Variants in LRP3 observed in about 807,000 individuals in gnomAD.
LRP3 encodes low-density lipoprotein receptor-related protein 3.
A neutral mutation model predicts 58.5 loss-of-function variants in LRP3; 49 were observed. That is an observed-to-expected ratio of 0.84 (90% confidence interval 0.67 to 1.06). The LOEUF (loss-of-function observed/expected upper bound fraction) is 1.06. Ranked by LOEUF, LRP3 falls within the 50% of genes least tolerant of loss-of-function variation. The pLI, the probability that LRP3 is intolerant of heterozygous loss-of-function variation, is 0.00. For synonymous variants in LRP3, 485 were observed against 492.2 expected (o/e 0.99, Z 0.20); for missense variants, 1,019 against 1,134.2 (o/e 0.90, Z 1.46).
chr19:33,195,545 T>C (rs1974277190), intron 1 of LRP3, among the ~76,000 whole-genome samples: 1 of 152,050 alleles, frequency 6.6e-6, no homozygotes, highest in Non-Finnish European at 1.5e-5. Context: ...TTATTTACTG[T>C]GATGAAGGAG....
intron 3 of LRP3, chr19:33,204,303 G>C: frequency 3.0e-6 from 1 of 331,440 alleles, no homozygotes. Context: ...TCGGGGCAGG[G>C]GGCTCTTGAC....
rs995541793 is a variant in LRP3, at chr19:33,205,633, C to T, written c.863C>T (p.Thr288Ile). 1 of 1,611,192 alleles carries T rather than the reference C, an allele frequency of 6.2e-7. No individual in the cohort carries two copies. The highest frequency in any genetic ancestry group is 1.3e-5 in the African/African-American group (1 of 74,900). Reference protein sequence around the residue: ...SDLHCTWLVDTQDSRRVLLQL... With the variant: ...SDLHCTWLVDIQDSRRVLLQL... ...CTTCACTGCACGTGGCTGGTGGACA[C>T]ACAGGACTCCCGGCGGGTGCTGCTG... Residue 288 changes from threonine (T) to isoleucine (I), a missense_variant, in exon 5 of 7, where the codon ACA (threonine) becomes ATA (isoleucine). By Grantham distance (89) the Thr-to-Ile change is moderately conservative. Coordinates refer to ENST00000253193, the MANE Select transcript of LRP3 (RefSeq NM_002333.4).
In LRP3 at chr19:33,205,874, C is replaced by A; in HGVS notation, c.1104C>A (p.Cys368Ter). The A allele has an allele frequency of 6.2e-7, 1 of 1,605,988 alleles. No homozygotes were observed. Among genetic ancestry groups the A allele is most frequent in the Non-Finnish European group, 8.5e-7 (1 of 1,176,520 alleles). The change falls in exon 5 of 7, where the codon TGC (cysteine) becomes TGA (stop). Residue 368 changes from cysteine to a stop codon, truncating the protein, a stop_gained. Coordinates refer to ENST00000253193, the MANE Select transcript of LRP3 (RefSeq NM_002333.4). LOFTEE classifies it high-confidence loss of function. Reference protein sequence around the residue: ...FNATYQVKGYCLPWEQPCGSS... With the variant: ...FNATYQVKGY ...CCACCTACCAGGTGAAGGGCTATTG[C>A]CTCCCCTGGGAGCAGCCGTGCGGGA...
chr19:33,196,193 C>T (rs1399537833), intron 1 of LRP3, among the ~76,000 whole-genome samples: 2 of 152,120 alleles, frequency 1.3e-5, no homozygotes, highest in African/African-American at 4.8e-5. Context: ...ATCAGAACTG[C>T]CTCCCCTCCT....
chr19:33,194,893 C>T (rs1382291597), intron 1 of LRP3, 35 bp downstream of exon 1: 1 of 1,069,812 alleles, frequency 9.3e-7, no homozygotes, highest in Non-Finnish European at 1.1e-6. Context: ...AGGTCCGGGT[C>T]CCCCGCATGG....
Position 33,207,756 on chromosome 19 carries a change from G to GA in LRP3, c.*181_*182insA, listed in dbSNP as rs1383027392. ...GGGAGCTGTGGGACTGAACGGCGGGGGGGAGAAGAGTGGAGTGGTGAGCCC... is the reference window on the plus strand; with the variant it reads ...GGGAGCTGTGGGACTGAACGGCGGGGAGGGAGAAGAGTGGAGTGGTGAGCCC... On this transcript the variant is annotated 3_prime_UTR_variant, in exon 7 of 7. Coordinates refer to ENST00000253193, the MANE Select transcript of LRP3 (RefSeq NM_002333.4). 6.7e-6 allele frequency: 4 copies of GA among 598,812 alleles called. No individual in the cohort carries two copies. The highest frequency in any genetic ancestry group is 1.9e-5 in the African/African-American group (1 of 53,556). The allele number at this position is 598,812 out of a possible 1,614,324, so 37.1% of individuals were successfully genotyped here. A position where few individuals can be genotyped will look rare whatever the true frequency, so the allele number is the denominator to read the frequency against.
intron 2 of LRP3, among the ~76,000 whole-genome samples, chr19:33,199,531 C>G (rs1216058827): frequency 1.3e-5 from 2 of 152,110 alleles, no homozygotes; most frequent in South Asian, 2.1e-4. Flanking sequence ...TGCACAGAGC[C>G]CAGCCTCCCT....
chr19:33,197,587 A>G (rs1568380435), intron 2 of LRP3, among the ~76,000 whole-genome samples: 1 of 152,220 alleles, frequency 6.6e-6, no homozygotes, highest in African/African-American at 2.4e-5. Flanking sequence ...TGACGGCTCC[A>G]CCGTGCTCCA....
At chr19:33,206,439 C>T in intron 5 of LRP3, 77 bp downstream of exon 5, 5 of 1,594,998 alleles carry the variant, frequency 3.1e-6, no homozygotes, top group Non-Finnish European at 4.2e-6. Context: ...TGTGGGTTTG[C>T]AAACGGGGGC....
intron 4 of LRP3, 82 bp downstream of exon 4, chr19:33,204,934 C>T (rs1009310306): frequency 1.2e-5 from 16 of 1,321,614 alleles, no homozygotes; most frequent in South Asian, 1.1e-4. Flanking sequence ...GGGGCGGCAC[C>T]CTCCACAGGG....
Position 33,207,748 on chromosome 19 carries a change from A to ATG in LRP3, c.*173_*174insTG, listed in dbSNP as rs1974442674. 2.3e-5 allele frequency: 11 copies of ATG among 475,374 alleles called. No individual in the cohort carries two copies. The highest frequency in any genetic ancestry group is 5.8e-5 in the African/African-American group (2 of 34,452). The allele number at this position is 475,374 out of a possible 1,614,324, so 29.4% of individuals were successfully genotyped here. ...TGGTGGGCGGGAGCTGTGGGACTGA[A>ATG]CGGCGGGGGGGAGAAGAGTGGAGTG... On this transcript the variant is annotated 3_prime_UTR_variant, in exon 7 of 7. Transcript: ENST00000253193.
chr19:33,194,859 G>T lies in LRP3; in HGVS notation c.73+1G>T. The T allele has an allele frequency of 9.0e-7, 1 of 1,115,072 alleles. No individual in the cohort carries two copies. The highest frequency in any genetic ancestry group is 1.1e-6 in the Non-Finnish European group (1 of 913,088). 69.1% of individuals were successfully genotyped at this position (1,115,072 alleles called of 1,614,324 possible). A position where few individuals can be genotyped will look rare whatever the true frequency, so the allele number is the denominator to read the frequency against. On this transcript the variant is annotated splice_donor_variant, in intron 1 of 6. Coordinates refer to ENST00000253193, the MANE Select transcript of LRP3 (RefSeq NM_002333.4). LOFTEE classifies it high-confidence loss of function. ...GCGCAGCTGGCCGTCGTCTGTCTGG[G>T]TGAGTGGGCCGCGCGGGCCGGGCAG...
At chr19:33,198,542 G>A (rs907711972) in intron 2 of LRP3, among the ~76,000 whole-genome samples, 2 of 152,216 alleles carry the variant, frequency 1.3e-5, no homozygotes, top group South Asian at 4.1e-4. Context: ...GATTCCTGCT[G>A]TGTGGGACCC....
intron 2 of LRP3, among the ~76,000 whole-genome samples, chr19:33,200,058 C>T (rs1410318378): frequency 6.6e-6 from 1 of 152,194 alleles, no homozygotes; most frequent in African/African-American, 2.4e-5. Flanking sequence ...AAAAGGTGAA[C>T]ATGGGAGGTT....
chr19:33,208,446 A>C lies in LRP3; in HGVS notation c.*871A>C. The C allele has an allele frequency of 4.2e-6, 1 of 238,536 alleles. No individual in the cohort carries two copies. The highest frequency in any genetic ancestry group is 8.3e-6 in the Non-Finnish European group (1 of 120,448). 14.8% of individuals were successfully genotyped at this position (238,536 alleles called of 1,614,324 possible). On this transcript the variant is annotated 3_prime_UTR_variant, in exon 7 of 7. Transcript: ENST00000253193. This position sits in a 1 kb window ranked among gnomAD's most constrained non-coding sequence, Gnocchi z 4.7. ...ATCGAGGGGCCTGGGGTAGGGGCGG[A>C]CTGAGCTGCTACCCCATCCTCGACA...
rs878984076 is a variant in LRP3 at position 33,202,852 on chromosome 19, C to G, written c.126C>G (p.Ala42=). 6.2e-7 allele frequency: 1 copy of G among 1,609,054 alleles called. No homozygotes were observed. The highest frequency in any genetic ancestry group is 2.2e-5 in the East Asian group (1 of 44,738). ...CTCGGCCTCCTCTCCCGACAGCGGC[C>G]TGCAGTGGGAAGCTGGAGCAGCACA... ...RLSSAVPALA[A]CSGKLEQHTE... is the part of the protein sequence containing the mutation. Residue 42 remains alanine, a synonymous_variant, in exon 3 of 7, where the codon GCC becomes GCG. Transcript: ENST00000253193.
chr19:33,198,708 ACCT>A (rs1425273416), intron 2 of LRP3, among the ~76,000 whole-genome samples: 1 of 151,910 alleles, frequency 6.6e-6, no homozygotes, highest in Non-Finnish European at 1.5e-5. Flanking sequence ...TGGTCAGAAC[ACCT>A]CCTGCATCCC....
At chr19:33,204,924 G>A (rs11666900) in intron 4 of LRP3, 72 bp downstream of exon 4, 740,368 of 1,446,972 alleles carry the variant, frequency 0.51, 208,475 homozygotes, top group Non-Finnish European at 0.59. Flanking sequence ...CCGGCCCACA[G>A]GGGCGGCACC....
intron 4 of LRP3, 59 bp downstream of exon 4, chr19:33,204,911 C>A: frequency 1.3e-6 from 2 of 1,530,640 alleles, no homozygotes; most frequent in Non-Finnish European, 8.9e-7. Context: ...TGCCCACAGG[C>A]TCCCGGCCCA....
Sources: allele counts gnomAD v4.1 joint callset (sites outside exome capture counted in the v4.1 genomes callset), GRCh38; gene constraint gnomAD v4.1.1; non-coding constraint Gnocchi (gnomAD v3.1); transcripts MANE v1.5; gene names NCBI Gene and HGNC (gene_info 2026-07-23, HGNC 2026-07-21).